The following IRF5 variants were observed in gnomAD, a reference collection of about 807,000 sequenced individuals.
IRF5 encodes interferon regulatory factor 5.
Under a neutral mutation model 55.1 loss-of-function variants are expected in IRF5, and 24 were observed. The observed-to-expected ratio is 0.44, with a 90% confidence interval of 0.32 to 0.61. IRF5 has a LOEUF of 0.61. Ranked by LOEUF, IRF5 falls within the 20% of genes least tolerant of loss-of-function variation. The probability of loss-of-function intolerance (pLI) is 0.07; values close to 1 mark genes in which losing one functional copy is unlikely to be tolerated. For synonymous variants in IRF5, 258 were observed against 260.2 expected (o/e 0.99, Z 0.08); for missense variants, 499 against 658.5 (o/e 0.76, Z 2.65).
rs2128963830 is a variant in IRF5 at position 128,946,694 on chromosome 7, T to C, written c.447+132T>C. 2.9e-6 allele frequency: 2 copies of C among 687,200 alleles called. No homozygotes were observed. The highest frequency in any genetic ancestry group is 5.4e-5 in the East Asian group (2 of 36,950). 42.6% of individuals were successfully genotyped at this position (687,200 alleles called of 1,614,324 possible). A position where few individuals can be genotyped will look rare whatever the true frequency, so the allele number is the denominator to read the frequency against. ...CAATAGTTCTCCTTGTTTCTTCTCC[T>C]GGGATTCTGAACGATAGGAGCACAG... On this transcript the variant is annotated intron_variant, in intron 4 of 8. Coordinates refer to ENST00000357234, the MANE Select transcript of IRF5 (RefSeq NM_001098629.3). This position sits in a 1 kb window ranked among gnomAD's most constrained non-coding sequence, Gnocchi z 4.2.
Position 128,949,529 on chromosome 7 carries a change from G to C in IRF5, c.*711G>C, listed in dbSNP as rs1796513203. ...TGGCACTGGGAGGGCCTGGCTTCTG[G>C]GCTGATGGGTCAGTTGGGCCTTCAT... On this transcript the variant is annotated 3_prime_UTR_variant, in exon 9 of 9. Transcript: ENST00000357234. 1.3e-5 allele frequency: 2 copies of C among 152,200 alleles called. No individual in the cohort carries two copies. The highest frequency in any genetic ancestry group is 4.8e-5 in the African/African-American group (2 of 41,434). The allele number at this position is 152,200 out of a possible 1,614,324, so 9.4% of individuals were successfully genotyped here.
At position 128,946,143 on chromosome 7, in the gene IRF5, G is replaced by A. The variant is rs1796288895; in HGVS notation, c.385+109G>A. 10 of 1,110,476 alleles carry A rather than the reference G, an allele frequency of 9.0e-6. No individual in the cohort carries two copies. The highest frequency in any genetic ancestry group is 2.9e-5 in the Admixed American group (1 of 34,824). 68.8% of individuals were successfully genotyped at this position (1,110,476 alleles called of 1,614,324 possible). On this transcript the variant is annotated intron_variant, in intron 3 of 8. Coordinates refer to ENST00000357234, the MANE Select transcript of IRF5 (RefSeq NM_001098629.3). The surrounding 1 kb of genome is among the most constrained non-coding windows in gnomAD (Gnocchi z 4.2). The stretch of plus-strand genomic sequence containing the variant: ...GCCAAGGGCCCCTCTAGCAGGCAGT[G>A]GTCCAGGAAACGATGCGGGGGCTCC...
At chr7:128,940,253 G>A (rs1320919345) in intron 1 of IRF5, 1 of 152,438 alleles carries the variant, frequency 6.6e-6, no homozygotes, top group Non-Finnish European at 1.5e-5. Flanking sequence ...CTGACAGTAG[G>A]GGGCAGGCAG....
At position 128,948,124 on chromosome 7, in the gene IRF5, G is replaced by A. The variant is rs768858966; in HGVS notation, c.1180+3G>A. 6.2e-7 allele frequency: 1 copy of A among 1,613,636 alleles called. No homozygotes were observed. The highest frequency in any genetic ancestry group is 1.3e-5 in the African/African-American group (1 of 75,040). ...CAGCCTGGAGCATTTTCTCAATGGT[G>A]AGGGCCCAAAGCTGTGATCCTCCTG... On this transcript the variant is annotated splice_donor_region_variant and intron_variant, in intron 7 of 8. Coordinates refer to ENST00000357234, the MANE Select transcript of IRF5 (RefSeq NM_001098629.3). The surrounding 1 kb of genome is among the most constrained non-coding windows in gnomAD (Gnocchi z 4.6).
At chr7:128,938,851 G>C (rs1368704486) in intron 1 of IRF5, among the ~76,000 whole-genome samples, 1 of 152,110 alleles carries the variant, frequency 6.6e-6, no homozygotes, top group Admixed American at 6.5e-5. Context: ...GGGCGGGAGC[G>C]GGTACCTGGG....
rs1157354854 is a variant in IRF5, at chr7:128,949,221, G to GT, written c.*406dup. The GT allele has an allele frequency of 5.3e-6, 1 of 188,908 alleles. No individual in the cohort carries two copies. The highest frequency in any genetic ancestry group is 2.3e-5 in the African/African-American group (1 of 42,570). 11.7% of individuals were successfully genotyped at this position (188,908 alleles called of 1,614,324 possible). On this transcript the variant is annotated 3_prime_UTR_variant, in exon 9 of 9. Coordinates refer to ENST00000357234, the MANE Select transcript of IRF5 (RefSeq NM_001098629.3). Reference sequence around the variant, plus strand: ...GCAGGGCATGGCCCTGATTTCCCTGGTTTGAGACTCACTTCCTCATCTCCC... The same window carrying GT: ...GCAGGGCATGGCCCTGATTTCCCTGGTTTTGAGACTCACTTCCTCATCTCCC...
rs1476834253 is a variant in IRF5 at position 128,947,528 on chromosome 7, G to A, written c.780G>A (p.Met260Ile). Residue 260 changes from methionine (M) to isoleucine (I), a missense_variant, in exon 6 of 9, where the codon ATG becomes ATA. Around this residue, in one of 2 missense-constraint regions of IRF5, gnomAD observed 305 missense variants for 340.2 expected, o/e 0.90. Transcript: ENST00000357234. The surrounding 1 kb of genome is among the most constrained non-coding windows in gnomAD (Gnocchi z 6.5). ...CAGACCTGCTGATCAGCCCCCACAT[G>A]CTGCCTCGTAAGGACCCATGGCTGG... ...LLPDLLISPH[M>I]LPLTDLEIKF... The A allele has an allele frequency of 6.4e-7, 1 of 1,561,290 alleles. No homozygotes were observed. Among genetic ancestry groups the A allele is most frequent in the Non-Finnish European group, 8.6e-7 (1 of 1,160,660 alleles).
In IRF5 at chr7:128,946,709, T is replaced by C. The variant is rs549749320; in HGVS notation, c.447+147T>C. 9.4e-4 allele frequency: 623 copies of C among 665,020 alleles called. 2 individuals are homozygous for C. The highest frequency in any genetic ancestry group is 4.1e-3 in the Middle Eastern group (11 of 2,688). The allele number at this position is 665,020 out of a possible 1,614,324, so 41.2% of individuals were successfully genotyped here. Reference sequence around the variant, plus strand: ...TTTCTTCTCCTGGGATTCTGAACGATAGGAGCACAGTCCCCACCTGCTCCT... The same window carrying C: ...TTTCTTCTCCTGGGATTCTGAACGACAGGAGCACAGTCCCCACCTGCTCCT... On this transcript the variant is annotated intron_variant, in intron 4 of 8. Transcript: ENST00000357234. This position sits in a 1 kb window ranked among gnomAD's most constrained non-coding sequence, Gnocchi z 4.2.
chr7:128,947,036 TG>T lies in IRF5; in HGVS notation c.462del (p.Leu154PhefsTer4). 6.2e-7 allele frequency: 1 copy of T among 1,614,044 alleles called. No individual in the cohort carries two copies. The highest frequency in any genetic ancestry group is 8.5e-7 in the Non-Finnish European group (1 of 1,179,972). On this transcript the variant is annotated frameshift_variant, in exon 5 of 9. Coordinates refer to ENST00000357234, the MANE Select transcript of IRF5 (RefSeq NM_001098629.3). LOFTEE classifies it high-confidence loss of function. This position sits in a 1 kb window ranked among gnomAD's most constrained non-coding sequence, Gnocchi z 6.5. ...GTGTCCCTTCAGCTGCAGAGGATGT[TG>T]CCAAGCCTGAGCCTCACAGGTGGGG... is the stretch of plus-strand genomic sequence containing the variant. The part of the protein sequence containing the change: ...EEEEEELQRM[L>X]PSLSLTDAVQ...
In IRF5 at chr7:128,949,185, A is replaced by C. The variant is rs1300400728; in HGVS notation, c.*367A>C. ...AGAGTGTTGTGGGCCAAGTCCCCCC[A>C]CAGGGCCTCTGCAGGGCATGGCCCT... On this transcript the variant is annotated 3_prime_UTR_variant, in exon 9 of 9. Transcript: ENST00000357234. 6 of 233,858 alleles carry C rather than the reference A, an allele frequency of 2.6e-5. No homozygotes were observed. Among genetic ancestry groups the C allele is most frequent in the African/African-American group, 1.1e-4 (5 of 44,160 alleles). 14.5% of individuals were successfully genotyped at this position (233,858 alleles called of 1,614,324 possible). A position where few individuals can be genotyped will look rare whatever the true frequency, so the allele number is the denominator to read the frequency against.
rs1796386147 is a variant in IRF5, at chr7:128,947,522, C to T, written c.774C>T (p.Pro258=). ...TCCTGCCAGACCTGCTGATCAGCCC[C>T]CACATGCTGCCTCGTAAGGACCCAT... is the stretch of plus-strand genomic sequence containing the variant. The part of the protein sequence containing the change: ...EQLLPDLLIS[P]HMLPLTDLEI... Residue 258 remains proline (P), a synonymous_variant, in exon 6 of 9, where the codon CCC becomes CCT. Coordinates refer to ENST00000357234, the MANE Select transcript of IRF5 (RefSeq NM_001098629.3). The surrounding 1 kb of genome is among the most constrained non-coding windows in gnomAD (Gnocchi z 6.5). 6.4e-7 allele frequency: 1 copy of T among 1,565,836 alleles called. No homozygotes were observed. The highest frequency in any genetic ancestry group is 1.9e-5 in the Admixed American group (1 of 52,620).
At position 128,947,260 on chromosome 7, in the gene IRF5, C is replaced by T; in HGVS notation, c.512C>T (p.Pro171Leu). 1.2e-6 allele frequency: 2 copies of T among 1,610,370 alleles called. No homozygotes were observed. Among genetic ancestry groups the T allele is most frequent in the Non-Finnish European group, 1.7e-6 (2 of 1,178,418 alleles). The change falls in exon 6 of 9, where the codon CCC becomes CTC. Residue 171 changes from proline (P) to leucine (L), a missense_variant. Pro to Leu is a moderately conservative substitution (Grantham distance 98). Around this residue, in one of 2 missense-constraint regions of IRF5, gnomAD observed 305 missense variants for 340.2 expected, o/e 0.90. Coordinates refer to ENST00000357234, the MANE Select transcript of IRF5 (RefSeq NM_001098629.3). This position sits in a 1 kb window ranked among gnomAD's most constrained non-coding sequence, Gnocchi z 6.5. ...DAVQSGPHMTPYSLLKEDVKW... is the reference protein window; with the variant it reads ...DAVQSGPHMTLYSLLKEDVKW... Reference sequence around the variant, plus strand: ...GTGCAGTCTGGCCCCCACATGACACCCTATTCTTTACTCAAAGAGGATGTC... The same window carrying T: ...GTGCAGTCTGGCCCCCACATGACACTCTATTCTTTACTCAAAGAGGATGTC...
Position 128,946,473 on chromosome 7 carries a change from G to A in IRF5, c.386-28G>A. 2 of 1,590,640 alleles carry A rather than the reference G, an allele frequency of 1.3e-6. No homozygotes were observed. Among genetic ancestry groups the A allele is most frequent in the Non-Finnish European group, 1.7e-6 (2 of 1,168,402 alleles). ...CTCCTCCGACATTGACTCCTTTACT[G>A]CCCTGCTTTTCTCTCCCTGCTGTGC... On this transcript the variant is annotated intron_variant, in intron 3 of 8. Coordinates refer to ENST00000357234, the MANE Select transcript of IRF5 (RefSeq NM_001098629.3). This position sits in a 1 kb window ranked among gnomAD's most constrained non-coding sequence, Gnocchi z 4.2.
Position 128,948,302 on chromosome 7 carries a change from C to G in IRF5, c.1273C>G (p.Arg425Gly). Residue 425 changes from arginine to glycine, a missense_variant, in exon 8 of 9, where the codon CGA becomes GGA. By Grantham distance (125) the Arg-to-Gly change is moderately radical. Transcript: ENST00000357234. The surrounding 1 kb of genome is among the most constrained non-coding windows in gnomAD (Gnocchi z 4.6). ...FGEEWPDRKPREKKLITVQVV... is the reference protein window; with the variant it reads ...FGEEWPDRKPGEKKLITVQVV... ...GGAAGAATGGCCTGACCGCAAACCC[C>G]GAGAGAAGAAGCTCATTACTGTACA... 1 of 1,610,082 alleles carries G rather than the reference C, an allele frequency of 6.2e-7. No individual in the cohort carries two copies. Among genetic ancestry groups the G allele is most frequent in the Non-Finnish European group, 8.5e-7 (1 of 1,178,678 alleles).
rs1455944258 is a variant in IRF5, at chr7:128,946,240, C to T, written c.385+206C>T. Among the ~76,000 whole-genome samples the T allele has an allele frequency of 3.9e-5, 6 of 152,224 alleles. No homozygotes were observed. Among genetic ancestry groups the T allele is most frequent in the Non-Finnish European group, 5.9e-5 (4 of 68,032 alleles). On this transcript the variant is annotated intron_variant, in intron 3 of 8. Transcript: ENST00000357234. The surrounding 1 kb of genome is among the most constrained non-coding windows in gnomAD (Gnocchi z 4.2). ...CACTGGCATATCAGGAATGGCTTGGCGTGCAGTCAGGGACCTGGGTGCTTC... is the reference window on the plus strand; with the variant it reads ...CACTGGCATATCAGGAATGGCTTGGTGTGCAGTCAGGGACCTGGGTGCTTC...
At chr7:128,938,706 T>C (rs1431574667) in intron 1 of IRF5, among the ~76,000 whole-genome samples, 1 of 152,016 alleles carries the variant, frequency 6.6e-6, no homozygotes, top group African/African-American at 2.4e-5. Flanking sequence ...TGGGGCGCAA[T>C]AGTTCCTGGG....
chr7:128,946,982 T>C lies in IRF5; in HGVS notation c.448-41T>C, dbSNP rs758656823. On this transcript the variant is annotated intron_variant, in intron 4 of 8. Coordinates refer to ENST00000357234, the MANE Select transcript of IRF5 (RefSeq NM_001098629.3). The surrounding 1 kb of genome is among the most constrained non-coding windows in gnomAD (Gnocchi z 4.2). The stretch of plus-strand genomic sequence containing the variant: ...CAGTGGAATAACCTGTCCTCCTTTC[T>C]CTCCCATCTCTTCCCTCCCTTGCTG... 1 of 1,613,014 alleles carries C rather than the reference T, an allele frequency of 6.2e-7. No homozygotes were observed. Among genetic ancestry groups the C allele is most frequent in the Admixed American group, 1.7e-5 (1 of 60,008 alleles).
chr7:128,945,381 C>T (rs186774130), intron 2 of IRF5, among the ~76,000 whole-genome samples: 33 of 152,314 alleles, frequency 2.2e-4, no homozygotes, highest in African/African-American at 7.7e-4. Flanking sequence ...GTTGGGATTA[C>T]AGGTGCGAGC....
At chr7:128,941,366 G>C (rs1369805474) in intron 1 of IRF5, 1 of 152,440 alleles carries the variant, frequency 6.6e-6, no homozygotes, top group Admixed American at 6.5e-5. Flanking sequence ...GGAGGACCAA[G>C]AACCTAGATG....
Sources: gnomAD v4.1 joint callset for allele counts (sites outside exome capture counted in the v4.1 genomes callset) on GRCh38, gnomAD v4.1.1 for gene constraint, gnomAD v4.1.1 regional missense constraint, Gnocchi (gnomAD v3.1) non-coding constraint, MANE v1.5 for transcripts, NCBI Gene and HGNC (gene_info 2026-07-23, HGNC 2026-07-21) for gene names.